NCOA7: variants seen among roughly 807,000 people sequenced by gnomAD.
NCOA7 encodes nuclear receptor coactivator 7.
NCOA7 carries 45 observed loss-of-function variants against 104.3 expected under a neutral mutation model. The observed-to-expected ratio is 0.43, with a 90% CI of 0.34 to 0.55. The LOEUF (loss-of-function observed/expected upper bound fraction) is 0.55. NCOA7 is among the 20% of genes least tolerant of loss of function. The pLI, the probability that NCOA7 is intolerant of heterozygous loss-of-function variation, is 0.02. For synonymous variants in NCOA7, 398 were observed against 402.3 expected, an observed-to-expected ratio of 0.99 and a Z score of 0.13; for missense variants, 1,041 against 1,119.7, an observed-to-expected ratio of 0.93 and a Z score of 1.00.
intron 4 of NCOA7, among the ~76,000 whole-genome samples, chr6:125,877,151 A>C (rs1223094152): frequency 6.6e-6 from 1 of 152,162 alleles, no homozygotes; most frequent in Non-Finnish European, 1.5e-5. Context: ...AATATATCCT[A>C]ACTTGTTCCA....
chr6:125,818,032 T>C (rs139604455), intron 2 of NCOA7, among the ~76,000 whole-genome samples: 307 of 151,698 alleles, frequency 2.0e-3, no homozygotes, highest in African/African-American at 7.1e-3. Flanking sequence ...CCTGCTCCTC[T>C]TCCTCCTCTT....
rs957185907 is a variant in NCOA7, at chr6:125,929,765, T to A, written c.*994T>A. On this transcript the variant is annotated 3_prime_UTR_variant, in exon 16 of 16. Coordinates refer to ENST00000392477, the MANE Select transcript of NCOA7 (RefSeq NM_181782.5). The stretch of plus-strand genomic sequence containing the variant: ...TGCTTTTGAAAAAAAATGTTTTGCT[T>A]CTTACAAAATCATTTGTGTTAATAA... 1 of 152,220 alleles carries A rather than the reference T, an allele frequency of 6.6e-6. No homozygotes were observed. The highest frequency in any genetic ancestry group is 1.5e-5 in the Non-Finnish European group (1 of 68,044). 9.4% of individuals were successfully genotyped at this position (152,220 alleles called of 1,614,324 possible).
At chr6:125,810,736 T>C (rs796647411) in intron 1 of NCOA7, among the ~76,000 whole-genome samples, 8 of 152,356 alleles carry the variant, frequency 5.3e-5, no homozygotes, top group African/African-American at 1.9e-4. Context: ...ACTGAGCTCC[T>C]TCTGGTTAAT....
intron 1 of NCOA7, among the ~76,000 whole-genome samples, chr6:125,808,756 G>A (rs1041156453): frequency 2.0e-5 from 3 of 152,192 alleles, no homozygotes; most frequent in Non-Finnish European, 2.9e-5. Flanking sequence ...CACCCTGCCA[G>A]TGACTTTTTA....
At chr6:125,792,839 A>G (rs1774985914) in intron 1 of NCOA7, among the ~76,000 whole-genome samples, 1 of 151,910 alleles carries the variant, frequency 6.6e-6, no homozygotes, top group Non-Finnish European at 1.5e-5. Context: ...TTTTTACACT[A>G]TGACATTTTC....
At chr6:125,797,974 G>T (rs1181033754) in intron 1 of NCOA7, 1 of 152,144 alleles carries the variant, frequency 6.6e-6, no homozygotes, top group East Asian at 1.9e-4. Flanking sequence ...ACTTAAGATG[G>T]CCAAGACATG....
intron 3 of NCOA7, 48 bp downstream of exon 3, chr6:125,855,288 A>AT: frequency 7.1e-7 from 1 of 1,401,386 alleles, no homozygotes; most frequent in Non-Finnish European, 9.9e-7. Context: ...AAAAATCTAT[A>AT]AGAATTTTTA....
At chr6:125,882,344 G>T in intron 6 of NCOA7, 82 bp from the exon 7 acceptor site, 1 of 1,410,682 alleles carries the variant, frequency 7.1e-7, no homozygotes, top group East Asian at 2.3e-5. Flanking sequence ...ATACTCACAG[G>T]GAATTTATGG....
At chr6:125,828,749 T>C (rs895760904) in intron 2 of NCOA7, among the ~76,000 whole-genome samples, 1 of 152,182 alleles carries the variant, frequency 6.6e-6, no homozygotes, top group Non-Finnish European at 1.5e-5. Context: ...GGACCTGTAA[T>C]GTGTTTTAGT....
At chr6:125,860,103 T>C (rs758102079) in intron 3 of NCOA7, among the ~76,000 whole-genome samples, 13 of 152,158 alleles carry the variant, frequency 8.5e-5, no homozygotes, top group Non-Finnish European at 1.8e-4. Context: ...ATGAGTGAAC[T>C]GAGCCCTTTC....
chr6:125,876,141 A>G (rs1055992007), intron 4 of NCOA7, among the ~76,000 whole-genome samples: 11 of 152,202 alleles, frequency 7.2e-5, no homozygotes, highest in Non-Finnish European at 1.5e-4. Flanking sequence ...CATTATTTGT[A>G]AGCAATGCCA....
chr6:125,905,558 A>T (rs1226256902), intron 10 of NCOA7, among the ~76,000 whole-genome samples: 1 of 152,164 alleles, frequency 6.6e-6, no homozygotes, highest in Non-Finnish European at 1.5e-5. Context: ...CACCGCACCC[A>T]GTCAGGAATA....
At position 125,794,890 on chromosome 6, in the gene NCOA7, G is replaced by A. The variant is rs375900660; in HGVS notation, c.-65+3823G>A. Among the ~76,000 whole-genome samples, 9 of 152,112 alleles carry A rather than the reference G, an allele frequency of 5.9e-5. No individual in the cohort carries two copies. The East Asian group carries it at 9.6e-4, about 16-fold the overall frequency. On this transcript the variant is annotated intron_variant, in intron 1 of 15. Coordinates refer to ENST00000392477, the MANE Select transcript of NCOA7 (RefSeq NM_181782.5). ...AGAATAAAGTCATTTTTAGCTGAAGGGCTAGCCTAACTTAGCATAACACTC... is the reference window on the plus strand; with the variant it reads ...AGAATAAAGTCATTTTTAGCTGAAGAGCTAGCCTAACTTAGCATAACACTC...
In NCOA7 at chr6:125,842,597, C is replaced by G. The variant is rs182636273; in HGVS notation, c.51-12423C>G. The stretch of plus-strand genomic sequence containing the variant: ...CAAAATAAAAAAATATTTTGGGAGA[C>G]TTTCTTGGCTTTGTAAGGGATTATA... On this transcript the variant is annotated intron_variant, in intron 2 of 15. Coordinates refer to ENST00000392477, the MANE Select transcript of NCOA7 (RefSeq NM_181782.5). Among the ~76,000 whole-genome samples, 10 of 152,176 alleles carry G rather than the reference C, an allele frequency of 6.6e-5. No individual in the cohort carries two copies. The East Asian group carries it at 1.2e-3, about 18-fold the overall frequency.
chr6:125,818,955 A>T (rs1005447248), intron 2 of NCOA7: 9 of 152,250 alleles, frequency 5.9e-5, no homozygotes, highest in African/African-American at 1.7e-4. Context: ...TCTCTAAACT[A>T]AATTATACCA....
At chr6:125,850,977 A>C (rs1481229588) in intron 2 of NCOA7, among the ~76,000 whole-genome samples, 1 of 152,220 alleles carries the variant, frequency 6.6e-6, no homozygotes, top group Non-Finnish European at 1.5e-5. Context: ...CATTATCTGA[A>C]TTTTGCTAGA....
intron 2 of NCOA7, among the ~76,000 whole-genome samples, chr6:125,821,331 C>T (rs548992573): frequency 8.5e-5 from 13 of 152,196 alleles, no homozygotes; most frequent in Admixed American, 1.3e-4. Context: ...GGTTGAATAA[C>T]TTCACTGAGA....
chr6:125,902,164 G>A (rs926438255), intron 10 of NCOA7, among the ~76,000 whole-genome samples: 62 of 152,276 alleles, frequency 4.1e-4, no homozygotes, highest in African/African-American at 1.4e-3. Context: ...GTCCAGGCTT[G>A]AGGGTGGAAC....
rs749849935 is a variant in NCOA7 at position 125,890,684 on chromosome 6, T to C, written c.1970T>C (p.Met657Thr). The C allele has an allele frequency of 6.2e-7, 1 of 1,613,716 alleles. No homozygotes were observed. The highest frequency in any genetic ancestry group is 1.1e-5 in the South Asian group (1 of 91,034). ...SKEEKSKTPP[M>T]FLCIKVGKPM... ...GAAGAAAAAAGCAAGACCCCACCCA[T>C]GTTCCTGTGCATCAAAGTGGGAAAA... The change falls in exon 10 of 16, where the codon ATG (methionine) becomes ACG (threonine). Residue 657 changes from methionine (M) to threonine (T), a missense_variant. Around this residue, in one of 2 missense-constraint regions of NCOA7, gnomAD observed 914 missense variants for 942.7 expected, o/e 0.97. Coordinates refer to ENST00000392477, the MANE Select transcript of NCOA7 (RefSeq NM_181782.5).
Sources: gnomAD v4.1 joint callset for allele counts (sites outside exome capture counted in the v4.1 genomes callset) on GRCh38, gnomAD v4.1.1 for gene constraint, gnomAD v4.1.1 regional missense constraint, MANE v1.5 for transcripts, NCBI Gene and HGNC (gene_info 2026-07-23, HGNC 2026-07-21) for gene names.